PHACTR1: variants seen among roughly 807,000 people sequenced by gnomAD.
PHACTR1 encodes the protein phosphatase and actin regulator 1.
A neutral mutation model predicts 69.2 loss-of-function variants in PHACTR1; 16 were observed. The observed-to-expected ratio is 0.23, with a 90% CI of 0.16 to 0.35. The LOEUF is 0.35. Among genes scored for constraint, PHACTR1 ranks in the 10% least tolerant of loss-of-function variants. The probability of loss-of-function intolerance (pLI) is 1.00; values close to 1 mark genes in which losing one functional copy is unlikely to be tolerated. For synonymous variants in PHACTR1, 312 were observed against 284.5 expected (o/e 1.10, Z -0.97); for missense variants, 510 against 734.7 (o/e 0.69, Z 3.54).
chr6:12,718,755 C>T lies in PHACTR1; in HGVS notation c.11C>T (p.Pro4Leu). 1.9e-6 allele frequency: 3 copies of T among 1,547,384 alleles called. No individual in the cohort carries two copies. The highest frequency in any genetic ancestry group is 2.6e-6 in the Non-Finnish European group (3 of 1,140,726). ...TTTGGAACATCAAGGATGGATTATC[C>T]CAAAATGGATTATTTTCTGGATGTA... MDY[P>L]KMDYFLDVES... is the part of the protein sequence containing the mutation. Residue 4 changes from proline (P) to leucine (L), a missense_variant, in exon 3 of 15, where the codon CCC becomes CTC. Around this residue, in one of 2 missense-constraint regions of PHACTR1, gnomAD observed 419 missense variants for 530.9 expected, o/e 0.79. Coordinates refer to ENST00000332995, the MANE Select transcript of PHACTR1 (RefSeq NM_030948.6).
At chr6:12,829,924 C>T (rs185106312) in intron 4 of PHACTR1, among the ~76,000 whole-genome samples, 10 of 143,932 alleles carry the variant, frequency 6.9e-5, no homozygotes, top group African/African-American at 2.6e-4. Context: ...TGCCACTGCT[C>T]TCCAGTCTGG....
intron 4 of PHACTR1, among the ~76,000 whole-genome samples, chr6:12,764,254 T>A (rs948867201): frequency 1.3e-5 from 2 of 152,198 alleles, no homozygotes; most frequent in African/African-American, 4.8e-5. Flanking sequence ...ACACAAAGTA[T>A]TGTGGAGCAA....
intron 7 of PHACTR1, among the ~76,000 whole-genome samples, chr6:13,197,125 G>A (rs528740247): frequency 3.7e-4 from 57 of 152,346 alleles, no homozygotes; most frequent in African/African-American, 1.2e-3. Flanking sequence ...CTATGGCAGA[G>A]GTGGGGAATG....
intron 4 of PHACTR1, among the ~76,000 whole-genome samples, chr6:12,993,197 C>T (rs1022964974): frequency 2.6e-5 from 4 of 152,096 alleles, no homozygotes; most frequent in African/African-American, 9.7e-5. Flanking sequence ...TAAAAGGAAA[C>T]CTTACTGAGG....
chr6:13,215,174 A>G (rs1767475969), intron 8 of PHACTR1, among the ~76,000 whole-genome samples: 1 of 152,190 alleles, frequency 6.6e-6, no homozygotes, highest in African/African-American at 2.4e-5. Context: ...TGCTGAGTAC[A>G]TTTTCTAGAC....
rs1554163861 is a variant in PHACTR1 at position 13,218,853 on chromosome 6, A to AGGAAAGAGAAGAG, written c.987-8963_987-8962insGGAAAGAGAAGAG. Among the ~76,000 whole-genome samples, 6 of 142,524 alleles carry AGGAAAGAGAAGAG rather than the reference A, an allele frequency of 4.2e-5. No homozygotes were observed. In the East Asian group the frequency reaches 1.4e-3, roughly 32 times the overall value. The allele number at this position is 142,524 out of a possible 152,430, so 93.5% of individuals were successfully genotyped here. A position where few individuals can be genotyped will look rare whatever the true frequency, so the allele number is the denominator to read the frequency against. ...GAAAAAGAGGAGGAGGAGGAGGAGGAAAGAGAAGAGAAGAGAAGAGAAGAG... is the reference window on the plus strand; with the variant it reads ...GAAAAAGAGGAGGAGGAGGAGGAGGAGGAAAGAGAAGAGAAGAGAAGAGAAGAGAAGAGAAGAG... On this transcript the variant is annotated intron_variant, in intron 8 of 14. Transcript: ENST00000332995.
intron 4 of PHACTR1, among the ~76,000 whole-genome samples, chr6:12,936,026 T>C (rs1295187836): frequency 6.7e-6 from 1 of 150,068 alleles, no homozygotes; most frequent in Non-Finnish European, 1.5e-5. Context: ...TACTGCCTAA[T>C]GATTTCAGCT....
intron 5 of PHACTR1, among the ~76,000 whole-genome samples, chr6:13,068,162 G>C (rs1487076824): frequency 6.6e-6 from 1 of 152,050 alleles, no homozygotes; most frequent in Non-Finnish European, 1.5e-5. Flanking sequence ...ACTAAAACTA[G>C]AAAAATTAGC....
At chr6:12,954,807 T>C (rs60783028) in intron 4 of PHACTR1, among the ~76,000 whole-genome samples, 2,235 of 152,332 alleles carry the variant, frequency 0.015, 48 homozygotes, top group African/African-American at 0.051. Flanking sequence ...CAAATTAATA[T>C]AATTTATTTT....
At chr6:12,983,382 T>C (rs1048855458) in intron 4 of PHACTR1, among the ~76,000 whole-genome samples, 13 of 152,084 alleles carry the variant, frequency 8.5e-5, no homozygotes, top group African/African-American at 2.4e-4. Context: ...TTTGAAGACA[T>C]GGAGAAGTAG....
chr6:12,912,108 C>T (rs1424141559), intron 4 of PHACTR1, among the ~76,000 whole-genome samples: 5 of 152,290 alleles, frequency 3.3e-5, no homozygotes, highest in East Asian at 1.9e-4. Flanking sequence ...AGTGATTCTC[C>T]GGCCTCAGCC....
At position 13,160,265 on chromosome 6, in the gene PHACTR1, G is replaced by C. The variant is rs1194598595; in HGVS notation, c.477G>C (p.Leu159=). The change falls in exon 6 of 15, where the codon CTG becomes CTC. Residue 159 remains leucine, a synonymous_variant. Transcript: ENST00000332995. Reference sequence around the variant, plus strand: ...AAGAGCTGATAAAGCGAGGAGTCCTGAAGGAAATCTATGATAAAGGTAAGG... The same window carrying C: ...AAGAGCTGATAAAGCGAGGAGTCCTCAAGGAAATCTATGATAAAGGTAAGG... ...SREELIKRGV[L]KEIYDKDGEL... is the part of the protein sequence containing the mutation. 1.2e-6 allele frequency: 2 copies of C among 1,613,518 alleles called. No individual in the cohort carries two copies. The highest frequency in any genetic ancestry group is 2.7e-5 in the African/African-American group (2 of 74,942).
intron 4 of PHACTR1, among the ~76,000 whole-genome samples, chr6:12,845,972 C>T (rs1471763455): frequency 1.3e-5 from 2 of 152,172 alleles, no homozygotes; most frequent in African/African-American, 2.4e-5. Context: ...CTAAACCAAG[C>T]CAGCAAGGTG....
intron 4 of PHACTR1, among the ~76,000 whole-genome samples, chr6:12,951,076 G>A (rs982435058): frequency 3.3e-5 from 5 of 152,158 alleles, no homozygotes; most frequent in Non-Finnish European, 5.9e-5. Flanking sequence ...ATTTTGTGCT[G>A]AGCTGGCCAA....
chr6:13,271,342 T>C (rs1463080903), intron 10 of PHACTR1, among the ~76,000 whole-genome samples: 1 of 152,104 alleles, frequency 6.6e-6, no homozygotes, highest in Admixed American at 6.5e-5. Context: ...CAACATGAGA[T>C]TTGGGCAGCG....
At chr6:13,180,976 TA>T (rs1202606207) in intron 6 of PHACTR1, among the ~76,000 whole-genome samples, 1 of 151,772 alleles carries the variant, frequency 6.6e-6, no homozygotes, top group Non-Finnish European at 1.5e-5. Context: ...TTTGGGCATA[TA>T]AAAAAGCGGA....
At chr6:12,738,724 G>T (rs563163534) in intron 3 of PHACTR1, among the ~76,000 whole-genome samples, 1 of 152,070 alleles carries the variant, frequency 6.6e-6, no homozygotes, top group Non-Finnish European at 1.5e-5. Flanking sequence ...TTAGCCAGAC[G>T]TCATGGTGTG....
intron 5 of PHACTR1, among the ~76,000 whole-genome samples, chr6:13,147,088 G>A (rs1823483781): frequency 6.6e-6 from 1 of 152,192 alleles, no homozygotes; most frequent in Non-Finnish European, 1.5e-5. Context: ...ATATGTGAAA[G>A]GACAAAGTGA....
chr6:13,037,392 C>G (rs956684282), intron 4 of PHACTR1, among the ~76,000 whole-genome samples: 1 of 152,148 alleles, frequency 6.6e-6, no homozygotes, highest in Admixed American at 6.5e-5. Context: ...GGATCAACCT[C>G]TAGGAAGCTC....
Sources: allele counts gnomAD v4.1 joint callset (sites outside exome capture counted in the v4.1 genomes callset), GRCh38; gene constraint gnomAD v4.1.1; regional missense constraint gnomAD v4.1.1; transcripts MANE v1.5; gene names NCBI Gene and HGNC (gene_info 2026-07-23, HGNC 2026-07-21).